The following SGCZ variants were observed in gnomAD, a reference collection of about 807,000 sequenced individuals.
The protein encoded by SGCZ is sarcoglycan zeta, also known as zeta-sarcoglycan.
SGCZ carries 40 observed loss-of-function variants against 41.3 expected under a neutral mutation model. The observed-to-expected ratio is 0.97, with a 90% CI of 0.75 to 1.26. The LOEUF is 1.26. SGCZ is among the 50% of genes most tolerant of loss of function. SGCZ has a pLI of 0.00. For missense variants in SGCZ, 552 were observed against 369.8 expected (o/e 1.49, Z -4.04); for synonymous variants, 206 against 137.5 (o/e 1.50, Z -3.49).
chr8:14,228,933 C>T (rs147891054), intron 4 of SGCZ, among the ~76,000 whole-genome samples: 1 of 152,206 alleles, frequency 6.6e-6, no homozygotes, highest in African/African-American at 2.4e-5. Context: ...GAGGCCAATG[C>T]CATGCAAGAA....
intron 1 of SGCZ, among the ~76,000 whole-genome samples, chr8:15,043,833 A>G (rs1453225319): frequency 6.6e-6 from 1 of 152,096 alleles, no homozygotes; most frequent in African/African-American, 2.4e-5. Flanking sequence ...TGTGGCTCTC[A>G]GTGCTTTAGT....
At chr8:14,167,159 G>C (rs1804235214) in intron 4 of SGCZ, among the ~76,000 whole-genome samples, 1 of 152,054 alleles carries the variant, frequency 6.6e-6, no homozygotes, top group African/African-American at 2.4e-5. Context: ...TCAATTATTA[G>C]GGATATTTAT....
rs115934165 is a variant in SGCZ at position 14,887,785 on chromosome 8, G to A, written c.40-332859C>T. Among the ~76,000 whole-genome samples the A allele has an allele frequency of 1.9e-3, 285 of 152,094 alleles. 1 individual carries two copies. The highest frequency in any genetic ancestry group is 6.4e-3 in the African/African-American group (266 of 41,510). On this transcript the variant is annotated intron_variant, in intron 1 of 7. Coordinates refer to ENST00000382080, the MANE Select transcript of SGCZ (RefSeq NM_139167.4). ...TGAAATCCCTTAAGAAAATAGACACGCAATATTTGTATTTATGTGCCTGGC... is the reference window on the plus strand; with the variant it reads ...TGAAATCCCTTAAGAAAATAGACACACAATATTTGTATTTATGTGCCTGGC...
intron 2 of SGCZ, among the ~76,000 whole-genome samples, chr8:14,331,133 GGA>G (rs1175868784): frequency 6.6e-6 from 1 of 151,616 alleles, no homozygotes; most frequent in Non-Finnish European, 1.5e-5. Context: ...GAGACAACTT[GGA>G]GTTTGGTATG....
At chr8:14,627,422 T>C (rs1447961910) in intron 1 of SGCZ, among the ~76,000 whole-genome samples, 1 of 152,154 alleles carries the variant, frequency 6.6e-6, no homozygotes, top group African/African-American at 2.4e-5. Flanking sequence ...GGATCATTTT[T>C]GATCCATTGT....
At chr8:14,159,821 C>A (rs2116973169) in intron 5 of SGCZ, among the ~76,000 whole-genome samples, 1 of 152,170 alleles carries the variant, frequency 6.6e-6, no homozygotes, top group East Asian at 1.9e-4. Context: ...CGCAGTGTGC[C>A]AATTTAATAG....
At chr8:14,451,994 AT>A (rs1309465585) in intron 2 of SGCZ, among the ~76,000 whole-genome samples, 1 of 152,234 alleles carries the variant, frequency 6.6e-6, no homozygotes, top group Non-Finnish European at 1.5e-5. Context: ...ATACAAATGT[AT>A]TGAAAACTTA....
At chr8:14,881,348 T>G (rs1428192963) in intron 1 of SGCZ, among the ~76,000 whole-genome samples, 1 of 152,116 alleles carries the variant, frequency 6.6e-6, no homozygotes, top group African/African-American at 2.4e-5. Flanking sequence ...GCTCCTAACC[T>G]GAATCCCACT....
At chr8:14,997,153 C>T (rs1225823719) in intron 1 of SGCZ, among the ~76,000 whole-genome samples, 4 of 152,122 alleles carry the variant, frequency 2.6e-5, no homozygotes, top group East Asian at 1.9e-4. Context: ...TTCTCTTCTT[C>T]GTCACATTCA....
chr8:14,772,219 A>G (rs897113223), intron 1 of SGCZ, among the ~76,000 whole-genome samples: 2 of 152,166 alleles, frequency 1.3e-5, no homozygotes, highest in Non-Finnish European at 2.9e-5. Context: ...GCCAAGCTAA[A>G]ATGTTTGAGA....
chr8:14,984,764 G>A (rs1801775796), intron 1 of SGCZ, among the ~76,000 whole-genome samples: 1 of 152,128 alleles, frequency 6.6e-6, no homozygotes, highest in African/African-American at 2.4e-5. Flanking sequence ...TAATCATTGA[G>A]CTACAATTAA....
chr8:14,263,391 A>G (rs1384219611), intron 3 of SGCZ, among the ~76,000 whole-genome samples: 1 of 152,068 alleles, frequency 6.6e-6, no homozygotes, highest in Non-Finnish European at 1.5e-5. Context: ...TCTACCAAAA[A>G]TACAAAAATT....
chr8:14,112,285 G>A (rs553004973), intron 5 of SGCZ, among the ~76,000 whole-genome samples: 1 of 105,632 alleles, frequency 9.5e-6, no homozygotes, highest in East Asian at 7.3e-4. Flanking sequence ...TTTTTTTGTG[G>A]GGGGGGGGTG....
chr8:15,120,060 G>C, intron 1 of SGCZ, among the ~76,000 whole-genome samples: 2 of 152,190 alleles, frequency 1.3e-5, no homozygotes, highest in East Asian at 3.9e-4. Context: ...TTCCAGGCTA[G>C]TCTGAAACTC....
chr8:14,617,263 T>A (rs563584024), intron 1 of SGCZ, among the ~76,000 whole-genome samples: 3 of 152,284 alleles, frequency 2.0e-5, no homozygotes, highest in Non-Finnish European at 4.4e-5. Flanking sequence ...TTTTTTCAAA[T>A]CAAATGTATG....
chr8:14,491,638 G>C (rs899970327), intron 2 of SGCZ, among the ~76,000 whole-genome samples: 3 of 152,148 alleles, frequency 2.0e-5, no homozygotes, highest in Admixed American at 6.5e-5. Flanking sequence ...CTTGCTTGTA[G>C]TATACATTTT....
At chr8:14,381,110 G>A (rs955174743) in intron 2 of SGCZ, among the ~76,000 whole-genome samples, 1 of 151,642 alleles carries the variant, frequency 6.6e-6, no homozygotes, top group East Asian at 1.9e-4. Flanking sequence ...AAATACCTTT[G>A]TAAAATTTGA....
intron 1 of SGCZ, among the ~76,000 whole-genome samples, chr8:15,156,217 A>G (rs1056638422): frequency 1.3e-5 from 2 of 152,154 alleles, no homozygotes; most frequent in Non-Finnish European, 2.9e-5. Flanking sequence ...AAAATGGCTA[A>G]TGTCCAAAAA....
chr8:14,782,811 G>C (rs1287907964), intron 1 of SGCZ, among the ~76,000 whole-genome samples: 1 of 152,122 alleles, frequency 6.6e-6, no homozygotes, highest in Non-Finnish European at 1.5e-5. Flanking sequence ...GCATTTCACA[G>C]ACACAGGCAT....
Sources: gnomAD v4.1 joint callset for allele counts (sites outside exome capture counted in the v4.1 genomes callset) on GRCh38, gnomAD v4.1.1 for gene constraint, MANE v1.5 for transcripts, NCBI Gene and HGNC (gene_info 2026-07-23, HGNC 2026-07-21) for gene names.